GRIK2: variants seen among roughly 807,000 people sequenced by gnomAD.
GRIK2 encodes the protein glutamate receptor ionotropic, kainate 2.
Under a neutral mutation model 100.3 loss-of-function variants are expected in GRIK2, and 32 were observed. The ratio of observed to expected loss-of-function variants is 0.32; its 90% confidence interval spans 0.24 to 0.43. The LOEUF (loss-of-function observed/expected upper bound fraction) is 0.43, where lower values mean the gene tolerates loss of function less well. Among genes scored for constraint, GRIK2 ranks in the 20% least tolerant of loss-of-function variants. The pLI is 1.00. For synonymous variants in GRIK2, 417 were observed against 389.4 expected (o/e 1.07, Z -0.83); for missense variants, 843 against 1,114.9 (o/e 0.76, Z 3.47).
intron 14 of GRIK2, among the ~76,000 whole-genome samples, chr6:101,964,777 C>T (rs1030262566): frequency 6.6e-6 from 1 of 152,060 alleles, no homozygotes; most frequent in African/African-American, 2.4e-5. Context: ...GAAACAAGCT[C>T]AAAGACTTTT....
At chr6:101,900,906 G>GTTT (rs532866711) in intron 12 of GRIK2, among the ~76,000 whole-genome samples, 57 of 143,592 alleles carry the variant, frequency 4.0e-4, no homozygotes, top group Non-Finnish European at 6.4e-4. Context: ...GAGTGTCCTT[G>GTTT]TTTTTTTTTT....
chr6:101,919,796 G>T (rs746355627), intron 12 of GRIK2, among the ~76,000 whole-genome samples: 19 of 151,808 alleles, frequency 1.3e-4, no homozygotes, highest in Non-Finnish European at 1.2e-4. Context: ...GTTCAAAAAT[G>T]GTTAAAAAGT....
At chr6:101,567,917 A>G (rs1307330704) in intron 2 of GRIK2, among the ~76,000 whole-genome samples, 2 of 152,020 alleles carry the variant, frequency 1.3e-5, no homozygotes, top group East Asian at 3.9e-4. Context: ...AACTAATTTT[A>G]CCTTTTAAAA....
intron 12 of GRIK2, among the ~76,000 whole-genome samples, chr6:101,908,547 C>T (rs916423969): frequency 4.6e-5 from 7 of 150,562 alleles, no homozygotes; most frequent in Admixed American, 1.3e-4. Context: ...AATTTTAGGA[C>T]CTATAAGTTA....
intron 16 of GRIK2, among the ~76,000 whole-genome samples, chr6:102,059,248 T>TA (rs1183948846): frequency 6.6e-6 from 1 of 151,284 alleles, no homozygotes; most frequent in Non-Finnish European, 1.5e-5. Context: ...ATAATTTTTA[T>TA]AAAAAATGGC....
At chr6:101,747,904 G>C (rs1244789601) in intron 7 of GRIK2, among the ~76,000 whole-genome samples, 2 of 152,108 alleles carry the variant, frequency 1.3e-5, no homozygotes, top group African/African-American at 4.8e-5. Flanking sequence ...TTGTTCTGTG[G>C]TTGGCAGGCC....
intron 2 of GRIK2, among the ~76,000 whole-genome samples, chr6:101,469,450 T>C (rs1771834881): frequency 6.6e-6 from 1 of 152,198 alleles, no homozygotes; most frequent in South Asian, 2.1e-4. Flanking sequence ...TAAATTAATA[T>C]ACTGTCCAAA....
chr6:101,893,376 C>T lies in GRIK2; in HGVS notation c.1748+3513C>T, dbSNP rs191429334. 2.2e-4 allele frequency among the ~76,000 whole-genome samples: 33 copies of T among 151,486 alleles called. 1 individual carries two copies. The East Asian group carries it at 4.5e-3, about 20-fold the overall frequency. ...TAACTACCACTTTAATAACAGATTT[C>T]GTATTTATTAATTATTGGAATCTAC... On this transcript the variant is annotated intron_variant, in intron 12 of 16. Coordinates refer to ENST00000369134, the MANE Select transcript of GRIK2 (RefSeq NM_021956.5).
intron 16 of GRIK2, among the ~76,000 whole-genome samples, chr6:102,066,321 C>A (rs1263283659): frequency 6.6e-6 from 1 of 151,388 alleles, no homozygotes; most frequent in Non-Finnish European, 1.5e-5. Context: ...TTAATTCAAT[C>A]AACATTTAAA....
chr6:102,069,409 C>T lies in GRIK2; in HGVS notation c.*898C>T, dbSNP rs189421843. On this transcript the variant is annotated 3_prime_UTR_variant, in exon 17 of 17. Transcript: ENST00000369134. The stretch of plus-strand genomic sequence containing the variant: ...CAATGTTCAAGTTGTAAAAACTGGC[C>T]GAGTATTGGCTGTGTGGAAGACTAA... The T allele has an allele frequency of 2.0e-5, 3 of 151,192 alleles. No homozygotes were observed. Among genetic ancestry groups the T allele is most frequent in the Admixed American group, 6.6e-5 (1 of 15,114 alleles). The allele number at this position is 151,192 out of a possible 1,614,324, so 9.4% of individuals were successfully genotyped here. A position where few individuals can be genotyped will look rare whatever the true frequency, so the allele number is the denominator to read the frequency against.
chr6:102,055,847 A>G (rs1433544174), intron 16 of GRIK2, among the ~76,000 whole-genome samples: 2 of 152,006 alleles, frequency 1.3e-5, no homozygotes, highest in Admixed American at 1.3e-4. Context: ...TACTCTTATT[A>G]CAGACTTAAA....
intron 2 of GRIK2, among the ~76,000 whole-genome samples, chr6:101,512,552 AGCC>A (rs1774373797): frequency 6.6e-6 from 1 of 152,176 alleles, no homozygotes; most frequent in Admixed American, 6.6e-5. Context: ...CTTGTAAAGT[AGCC>A]ACATGATGCT....
intron 1 of GRIK2, among the ~76,000 whole-genome samples, chr6:101,396,777 G>A (rs1175656214): frequency 6.6e-6 from 1 of 152,162 alleles, no homozygotes; most frequent in Non-Finnish European, 1.5e-5. Flanking sequence ...GTCGTCTCCA[G>A]TCTTTTAGAA....
chr6:101,398,545 C>G (rs1775110551), intron 1 of GRIK2, among the ~76,000 whole-genome samples: 1 of 152,182 alleles, frequency 6.6e-6, no homozygotes, highest in Admixed American at 6.5e-5. Context: ...TCTTAGATCA[C>G]TTTCTTTTTT....
intron 15 of GRIK2, among the ~76,000 whole-genome samples, chr6:102,041,720 A>G (rs1390701852): frequency 6.6e-6 from 1 of 151,574 alleles, no homozygotes; most frequent in Non-Finnish European, 1.5e-5. Flanking sequence ...TTATATTTTT[A>G]GTACTTGAAT....
chr6:101,621,932 C>A lies in GRIK2; in HGVS notation c.116-17C>A. The A allele has an allele frequency of 6.4e-7, 1 of 1,558,066 alleles. No individual in the cohort carries two copies. The highest frequency in any genetic ancestry group is 8.8e-7 in the Non-Finnish European group (1 of 1,132,098). On this transcript the variant is annotated splice_polypyrimidine_tract_variant and intron_variant, in intron 2 of 16. Coordinates refer to ENST00000369134, the MANE Select transcript of GRIK2 (RefSeq NM_021956.5). ...TATTCTTGTAAAATTTATGATTTTT[C>A]TCTTTCTTTTTGCCAGGTGGTATTT...
At chr6:101,937,778 G>A (rs193017056) in intron 14 of GRIK2, among the ~76,000 whole-genome samples, 1 of 152,008 alleles carries the variant, frequency 6.6e-6, no homozygotes, top group East Asian at 1.9e-4. Flanking sequence ...TTTTGGGGGT[G>A]GGGGGTGTTG....
chr6:101,923,841 A>G (rs1307052586), intron 12 of GRIK2, among the ~76,000 whole-genome samples: 1 of 151,110 alleles, frequency 6.6e-6, no homozygotes, highest in Non-Finnish European at 1.5e-5. Flanking sequence ...GAATCGCTTG[A>G]ACCCAGGAGG....
At chr6:101,989,416 T>C (rs1794233015) in intron 14 of GRIK2, among the ~76,000 whole-genome samples, 1 of 151,810 alleles carries the variant, frequency 6.6e-6, no homozygotes, top group Admixed American at 6.6e-5. Context: ...ATCTGCATTA[T>C]GGATTCAGAT....
Sources: allele counts gnomAD v4.1 joint callset (sites outside exome capture counted in the v4.1 genomes callset), GRCh38; gene constraint gnomAD v4.1.1; transcripts MANE v1.5; gene names NCBI Gene and HGNC (gene_info 2026-07-23, HGNC 2026-07-21).